CPQ: variants seen among roughly 807,000 people sequenced by gnomAD.
CPQ encodes carboxypeptidase Q, also known as Ser-Met dipeptidase.
A neutral mutation model predicts 45.7 loss-of-function variants in CPQ; 37 were observed. That is an observed-to-expected ratio of 0.81 (90% CI 0.62 to 1.07). The LOEUF (loss-of-function observed/expected upper bound fraction) is 1.07, where lower values mean the gene tolerates loss of function less well. Among genes scored for constraint, CPQ ranks in the 50% least tolerant of loss-of-function variants. CPQ has a pLI of 0.00. For missense variants in CPQ, 537 were observed against 572.9 expected, an observed-to-expected ratio of 0.94 and a Z score of 0.64; for synonymous variants, 186 against 205.8, an observed-to-expected ratio of 0.90 and a Z score of 0.82.
intron 5 of CPQ, among the ~76,000 whole-genome samples, chr8:96,998,908 C>T (rs1384551452): frequency 6.6e-6 from 1 of 151,950 alleles, no homozygotes; most frequent in African/African-American, 2.4e-5. Flanking sequence ...TTACAATAAA[C>T]AACAATAGCT....
At chr8:97,091,006 G>A (rs976119906) in intron 7 of CPQ, among the ~76,000 whole-genome samples, 2 of 152,184 alleles carry the variant, frequency 1.3e-5, no homozygotes, top group African/African-American at 2.4e-5. Context: ...ATTCATTGCA[G>A]TGAGGGAGAA....
rs189424586 is a variant in CPQ, at chr8:97,021,303, G to A, written c.962-8100G>A. ...GAAAAGTTGAAAGCATTCCCTCTGA[G>A]AACTGGGACAAGACAAGGATGCCCA... On this transcript the variant is annotated intron_variant, in intron 5 of 7. Coordinates refer to ENST00000220763, the MANE Select transcript of CPQ (RefSeq NM_016134.4). 1.7e-3 allele frequency among the ~76,000 whole-genome samples: 252 copies of A among 152,198 alleles called. 3 individuals carry two copies. The highest frequency in any genetic ancestry group is 0.013 in the Admixed American group (195 of 15,278).
At chr8:96,675,584 A>G (rs1158210414) in intron 1 of CPQ, among the ~76,000 whole-genome samples, 19 of 152,080 alleles carry the variant, frequency 1.2e-4, no homozygotes, top group Admixed American at 1.2e-3. Flanking sequence ...AATTTCTAGA[A>G]GAGGAATATT....
chr8:96,975,433 A>G (rs1813758889), intron 5 of CPQ, among the ~76,000 whole-genome samples: 1 of 152,044 alleles, frequency 6.6e-6, no homozygotes, highest in Non-Finnish European at 1.5e-5. Context: ...CAATTCTACT[A>G]TTTCAAAGGA....
intron 1 of CPQ, among the ~76,000 whole-genome samples, chr8:96,771,979 G>C (rs1267089721): frequency 6.6e-6 from 1 of 152,102 alleles, no homozygotes; most frequent in East Asian, 1.9e-4. Flanking sequence ...TTTAGTGGAA[G>C]AGAGAGACAT....
At chr8:96,961,092 A>C (rs531526293) in intron 4 of CPQ, among the ~76,000 whole-genome samples, 2 of 152,300 alleles carry the variant, frequency 1.3e-5, no homozygotes, top group South Asian at 2.1e-4. Context: ...TGGAATGCCC[A>C]TATGTTCAAC....
chr8:97,051,664 C>T (rs1810366113), intron 6 of CPQ, among the ~76,000 whole-genome samples: 1 of 152,198 alleles, frequency 6.6e-6, no homozygotes, highest in African/African-American at 2.4e-5. Context: ...CAAGGGACCC[C>T]GATTAGGACT....
At chr8:96,762,992 A>T (rs904575981) in intron 1 of CPQ, among the ~76,000 whole-genome samples, 1 of 152,128 alleles carries the variant, frequency 6.6e-6, no homozygotes, top group Non-Finnish European at 1.5e-5. Flanking sequence ...GAAGTCTGAG[A>T]TCTAGGTGTA....
At chr8:96,881,024 T>C (rs1295105312) in intron 4 of CPQ, among the ~76,000 whole-genome samples, 4 of 151,898 alleles carry the variant, frequency 2.6e-5, no homozygotes, top group Non-Finnish European at 5.9e-5. Context: ...CAATTGAGAG[T>C]GGTATTTGTC....
In CPQ at chr8:96,818,497, G is replaced by T. The variant is rs1811258770; in HGVS notation, c.434-16476G>T. ...GGTATGGATAGACTTGCTTGATGTG[G>T]GGTTGCAACAAACTCGATTTGTAAA... is the stretch of plus-strand genomic sequence containing the variant. On this transcript the variant is annotated intron_variant, in intron 2 of 7. Transcript: ENST00000220763. Among the ~76,000 whole-genome samples, 4 of 151,972 alleles carry T rather than the reference G, an allele frequency of 2.6e-5. No individual in the cohort carries two copies. The South Asian group carries it at 8.3e-4, about 32-fold the overall frequency.
intron 6 of CPQ, among the ~76,000 whole-genome samples, chr8:97,065,492 C>A (rs766254834): frequency 2.0e-4 from 31 of 152,120 alleles, no homozygotes; most frequent in Non-Finnish European, 4.3e-4. Flanking sequence ...AAATCAGAAC[C>A]CCAAGACAAA....
At chr8:97,065,041 G>A (rs894250648) in intron 6 of CPQ, among the ~76,000 whole-genome samples, 5 of 152,150 alleles carry the variant, frequency 3.3e-5, no homozygotes, top group South Asian at 2.1e-4. Flanking sequence ...CTCTCTGGAC[G>A]CAATGTACAA....
At chr8:96,829,178 C>CTGG (rs1811414574) in intron 2 of CPQ, among the ~76,000 whole-genome samples, 1 of 152,074 alleles carries the variant, frequency 6.6e-6, no homozygotes, top group Admixed American at 6.6e-5. Flanking sequence ...CAGCACACCA[C>CTGG]CAAACAGGGC....
intron 5 of CPQ, among the ~76,000 whole-genome samples, chr8:97,014,162 C>A (rs1809538733): frequency 6.6e-6 from 1 of 152,030 alleles, no homozygotes; most frequent in African/African-American, 2.4e-5. Flanking sequence ...TTGGCGATTG[C>A]AACAATTCAA....
At chr8:96,947,768 A>C (rs1337021827) in intron 4 of CPQ, among the ~76,000 whole-genome samples, 1 of 152,128 alleles carries the variant, frequency 6.6e-6, no homozygotes, top group African/African-American at 2.4e-5. Flanking sequence ...ATTTCCCCTT[A>C]ACCTTAAAAT....
intron 7 of CPQ, among the ~76,000 whole-genome samples, chr8:97,118,128 G>C (rs1358668112): frequency 6.6e-6 from 1 of 152,192 alleles, no homozygotes; most frequent in East Asian, 1.9e-4. Context: ...CATTTATTTA[G>C]TATTGAGGTA....
At chr8:97,085,472 C>A (rs921806089) in intron 7 of CPQ, among the ~76,000 whole-genome samples, 1 of 151,912 alleles carries the variant, frequency 6.6e-6, no homozygotes, top group Admixed American at 6.6e-5. Flanking sequence ...CATAAGCAAA[C>A]CATATTCTTC....
At position 96,742,502 on chromosome 8, in the gene CPQ, G is replaced by A. The variant is rs182948734; in HGVS notation, c.-34-42362G>A. On this transcript the variant is annotated intron_variant, in intron 1 of 7. Coordinates refer to ENST00000220763, the MANE Select transcript of CPQ (RefSeq NM_016134.4). ...TTAAAGTTAATATTGTTATGTGTGA[G>A]TTTGATCCTGTCATTATGATGTTAG... 3.4e-3 allele frequency among the ~76,000 whole-genome samples: 511 copies of A among 151,704 alleles called. 2 individuals carry two copies. Among genetic ancestry groups the A allele is most frequent in the African/African-American group, 0.012 (485 of 41,354 alleles).
Position 96,647,827 on chromosome 8 carries a change from T to G in CPQ, c.-35+2425T>G, listed in dbSNP as rs1269606606. On this transcript the variant is annotated intron_variant, in intron 1 of 7. Coordinates refer to ENST00000220763, the MANE Select transcript of CPQ (RefSeq NM_016134.4). ...CCCATGCATCTTAATTTTAAATGTG[T>G]TCAGACTTACCAATTTAGGGAATAT... Among the ~76,000 whole-genome samples, 9 of 152,224 alleles carry G rather than the reference T, an allele frequency of 5.9e-5. 1 individual carries two copies. The South Asian group carries it at 8.3e-4, about 14-fold the overall frequency.
Sources: allele counts gnomAD v4.1 joint callset (sites outside exome capture counted in the v4.1 genomes callset), GRCh38; gene constraint gnomAD v4.1.1; transcripts MANE v1.5; gene names NCBI Gene and HGNC (gene_info 2026-07-23, HGNC 2026-07-21).